SDK1: variants seen among roughly 807,000 people sequenced by gnomAD.
SDK1 encodes the protein sidekick cell adhesion molecule 1.
In SDK1, 157 loss-of-function variants were observed where a neutral mutation model predicts 245.5. The observed-to-expected ratio is 0.64, with a 90% CI of 0.56 to 0.73. SDK1 has a LOEUF of 0.73. SDK1 is among the 30% of genes least tolerant of loss of function. The pLI, the probability that SDK1 is intolerant of heterozygous loss-of-function variation, is 0.00. For missense variants in SDK1, 3,583 were observed against 3,002.3 expected, an observed-to-expected ratio of 1.19 and a Z score of -4.52; for synonymous variants, 1,647 against 1,278.5, an observed-to-expected ratio of 1.29 and a Z score of -6.15.
intron 4 of SDK1, among the ~76,000 whole-genome samples, chr7:3,667,099 T>C (rs1159620369): frequency 2.0e-5 from 3 of 152,192 alleles, no homozygotes; most frequent in Non-Finnish European, 4.4e-5. Flanking sequence ...AAAATCCCAA[T>C]GAATTGTGAC....
intron 5 of SDK1, among the ~76,000 whole-genome samples, chr7:3,879,091 C>T (rs1038107463): frequency 1.3e-5 from 2 of 152,100 alleles, no homozygotes; most frequent in Admixed American, 1.3e-4. Flanking sequence ...CCCACCTTTA[C>T]GATTATACTT....
intron 1 of SDK1, among the ~76,000 whole-genome samples, chr7:3,308,553 A>T (rs563102319): frequency 2.1e-5 from 2 of 97,312 alleles, no homozygotes; most frequent in African/African-American, 9.2e-5. Context: ...GAAAACAGAT[A>T]GTCAGGTAAA....
chr7:3,598,626 C>A (rs991337410), intron 1 of SDK1, among the ~76,000 whole-genome samples: 3 of 152,202 alleles, frequency 2.0e-5, no homozygotes, highest in African/African-American at 7.2e-5. Context: ...CCCTTGTCCC[C>A]ATCCCTGGCC....
chr7:3,451,682 A>G (rs1483207690), intron 1 of SDK1, among the ~76,000 whole-genome samples: 2 of 152,220 alleles, frequency 1.3e-5, no homozygotes, highest in Non-Finnish European at 1.5e-5. Context: ...CCAATATTTG[A>G]TTAACAATAC....
In SDK1 at chr7:3,931,559, T is replaced by G. The variant is rs184040649; in HGVS notation, c.848-19364T>G. On this transcript the variant is annotated intron_variant, in intron 5 of 44. Coordinates refer to ENST00000404826, the MANE Select transcript of SDK1 (RefSeq NM_152744.4). ...AAGTCCCTCCTTTGTTCTGGAAGAA[T>G]AATTTTGCGGGAAATCCTTGCTTTC... 1.7e-3 allele frequency among the ~76,000 whole-genome samples: 253 copies of G among 152,298 alleles called. 1 individual carries two copies. Among genetic ancestry groups the G allele is most frequent in the African/African-American group, 5.8e-3 (241 of 41,574 alleles).
chr7:4,170,769 ACTGT>A (rs1430158887), intron 32 of SDK1, among the ~76,000 whole-genome samples: 2 of 152,116 alleles, frequency 1.3e-5, no homozygotes, highest in Non-Finnish European at 2.9e-5. Flanking sequence ...TTTTTAGGAG[ACTGT>A]CTGACATGCC....
rs534402571 is a variant in SDK1 at position 4,200,589 on chromosome 7, C to A, written c.5099-5290C>A. On this transcript the variant is annotated intron_variant, in intron 35 of 44. Coordinates refer to ENST00000404826, the MANE Select transcript of SDK1 (RefSeq NM_152744.4). ...CAGTTGCTAGTGGGATTCCATTGTT[C>A]GTGGACTTTTGGACTTGAGTTCCTT... 3.9e-5 allele frequency among the ~76,000 whole-genome samples: 6 copies of A among 152,310 alleles called. 1 individual carries two copies. The highest frequency in any genetic ancestry group is 1.2e-4 in the African/African-American group (5 of 41,572).
chr7:3,504,105 G>A (rs762472319), intron 1 of SDK1, among the ~76,000 whole-genome samples: 55 of 150,656 alleles, frequency 3.7e-4, no homozygotes, highest in African/African-American at 1.1e-3. Context: ...AGCCAAGATC[G>A]CGCCATTGCA....
intron 42 of SDK1, 82 bp from the exon 43 acceptor site, chr7:4,241,711 C>A: frequency 6.4e-7 from 1 of 1,573,100 alleles, no homozygotes; most frequent in Non-Finnish European, 8.7e-7. Context: ...CAGGAGCTGC[C>A]CCGCTGGCCA....
chr7:3,816,243 A>T (rs1779504853), intron 4 of SDK1, among the ~76,000 whole-genome samples: 2 of 151,988 alleles, frequency 1.3e-5, no homozygotes. Flanking sequence ...ACTAACTAAA[A>T]TCAGAGCAGA....
intron 5 of SDK1, among the ~76,000 whole-genome samples, chr7:3,937,546 C>G (rs148218988): frequency 7.9e-5 from 12 of 152,306 alleles, no homozygotes; most frequent in African/African-American, 2.6e-4. Context: ...TTGGATCCCT[C>G]CATTCCAAGG....
intron 5 of SDK1, among the ~76,000 whole-genome samples, chr7:3,821,892 A>T (rs376405167): frequency 3.5e-4 from 53 of 152,334 alleles, no homozygotes; most frequent in African/African-American, 1.2e-3. Context: ...AGAACTTTCA[A>T]TTTAAATGAA....
intron 1 of SDK1, among the ~76,000 whole-genome samples, chr7:3,424,598 T>C (rs1779624608): frequency 6.6e-6 from 1 of 152,150 alleles, no homozygotes; most frequent in East Asian, 1.9e-4. Flanking sequence ...TTTCAAAGAA[T>C]TTCTCTTCAA....
chr7:3,828,710 A>C (rs1355443487), intron 5 of SDK1, among the ~76,000 whole-genome samples: 1 of 132,224 alleles, frequency 7.6e-6, no homozygotes, highest in Non-Finnish European at 1.5e-5. Context: ...GGAGTGCAGT[A>C]GTGAGATCAT....
At chr7:3,655,515 A>G (rs1315285188) in intron 4 of SDK1, among the ~76,000 whole-genome samples, 1 of 133,242 alleles carries the variant, frequency 7.5e-6, no homozygotes, top group Middle Eastern at 3.9e-3. Context: ...GTATGTATGT[A>G]TATAAAATGT....
intron 4 of SDK1, among the ~76,000 whole-genome samples, chr7:3,657,681 A>T (rs1408137808): frequency 6.6e-6 from 1 of 152,082 alleles, no homozygotes; most frequent in Non-Finnish European, 1.5e-5. Context: ...CATCCTCAGG[A>T]GGGGGACATT....
chr7:3,687,509 C>T (rs1225223535), intron 4 of SDK1, among the ~76,000 whole-genome samples: 1 of 152,168 alleles, frequency 6.6e-6, no homozygotes, highest in South Asian at 2.1e-4. Context: ...GAACCGCAGT[C>T]CATCTGTAAT....
chr7:4,137,843 C>G (rs932534419), intron 28 of SDK1, among the ~76,000 whole-genome samples: 3 of 152,236 alleles, frequency 2.0e-5, no homozygotes, highest in African/African-American at 7.2e-5. Flanking sequence ...TCCACAGAAA[C>G]GCTCTTATCT....
At chr7:3,411,414 C>G (rs1335967587) in intron 1 of SDK1, among the ~76,000 whole-genome samples, 1 of 152,070 alleles carries the variant, frequency 6.6e-6, no homozygotes, top group Non-Finnish European at 1.5e-5. Flanking sequence ...ACATATGATC[C>G]AATAACATAG....
Sources: gnomAD v4.1 joint callset for allele counts (sites outside exome capture counted in the v4.1 genomes callset) on GRCh38, gnomAD v4.1.1 for gene constraint, MANE v1.5 for transcripts, NCBI Gene and HGNC (gene_info 2026-07-23, HGNC 2026-07-21) for gene names.